Variants in ZNF773 observed in about 807,000 individuals in gnomAD.
The protein encoded by ZNF773 is zinc finger protein 773, also known as zinc finger protein 419B.
In ZNF773, 11 loss-of-function variants were observed where a neutral mutation model predicts 12.8. The ratio of observed to expected loss-of-function variants is 0.86; its 90% confidence interval spans 0.54 to 1.42. The LOEUF (loss-of-function observed/expected upper bound fraction) is 1.42, where lower values mean the gene tolerates loss of function less well. Among genes scored for constraint, ZNF773 ranks in the 40% most tolerant of loss-of-function variants. The pLI is 0.00. For missense variants in ZNF773, 518 were observed against 527.2 expected (o/e 0.98, Z 0.17); for synonymous variants, 175 against 178.4 (o/e 0.98, Z 0.15).
chr19:57,508,286 G>A (rs1220492340), downstream of ZNF773: 1 of 1,215,868 alleles, frequency 8.2e-7, no homozygotes, highest in African/African-American at 1.6e-5. Context: ...TGAGAAAATA[G>A]CCCTCTGTCT....
chr19:57,500,042 G>A lies in ZNF773; in HGVS notation c.-39G>A, dbSNP rs1047688759. The A allele has an allele frequency of 6.4e-7, 1 of 1,560,468 alleles. No individual in the cohort carries two copies. Among genetic ancestry groups the A allele is most frequent in the Admixed American group, 1.9e-5 (1 of 53,460 alleles). On this transcript the variant is annotated 5_prime_UTR_variant, in exon 1 of 4. Coordinates refer to ENST00000282292, the MANE Select transcript of ZNF773 (RefSeq NM_198542.3). ...GGTGGCGGCGCCCAGGGTGGCCCGGGCCCTTTCCTCGGTCGTTGTCTCACC... is the reference window on the plus strand; with the variant it reads ...GGTGGCGGCGCCCAGGGTGGCCCGGACCCTTTCCTCGGTCGTTGTCTCACC...
chr19:57,508,442 C>G (rs889994198), downstream of ZNF773: 30 of 662,452 alleles, frequency 4.5e-5, 1 homozygote, highest in East Asian at 7.1e-4. Context: ...GTTAGATCTT[C>G]TTTAATAAAT....
At position 57,507,653 on chromosome 19, in the gene ZNF773, CTG is replaced by C; in HGVS notation, c.*231_*232del. On this transcript the variant is annotated 3_prime_UTR_variant, in exon 4 of 4. Transcript: ENST00000282292. ...GTTTAGACTGGAGAAAGGCCTTAGACTGTCGCTGAATCAATATGACCTGACTT... is the reference window on the plus strand; with the variant it reads ...GTTTAGACTGGAGAAAGGCCTTAGACTCGCTGAATCAATATGACCTGACTT... 7.4e-7 allele frequency: 1 copy of C among 1,349,414 alleles called. No individual in the cohort carries two copies. The highest frequency in any genetic ancestry group is 1.5e-5 in the African/African-American group (1 of 68,338). The allele number at this position is 1,349,414 out of a possible 1,614,324, so 83.6% of individuals were successfully genotyped here.
chr19:57,501,808 C>G (rs1319410637), intron 1 of ZNF773, among the ~76,000 whole-genome samples: 3 of 152,168 alleles, frequency 2.0e-5, no homozygotes, highest in African/African-American at 7.2e-5. Context: ...TCACCCTCCT[C>G]AACTCCTACC....
chr19:57,511,972 G>A (rs2089799528), downstream of ZNF773, among the ~76,000 whole-genome samples: 1 of 152,174 alleles, frequency 6.6e-6, no homozygotes, highest in Admixed American at 6.5e-5. Context: ...TAGAGTAAAA[G>A]AATGCAGATC....
chr19:57,513,112 T>G, downstream of ZNF773: 1 of 1,464,102 alleles, frequency 6.8e-7, no homozygotes, highest in Middle Eastern at 1.9e-4. Context: ...ACCAGAAGAA[T>G]GAGAAACCCC....
Position 57,506,696 on chromosome 19 carries a change from G to A in ZNF773, c.601G>A (p.Gly201Ser), listed in dbSNP as rs749256896. ...ATGCAGTGAATGTGGGAAAGCCTTT[G>A]GTCAGAAATATTTACTTGTTCAGCA... ...YKCSECGKAF[G>S]QKYLLVQHQR... Residue 201 changes from glycine (G) to serine (S), a missense_variant, in exon 4 of 4, where the codon GGT becomes AGT. Coordinates refer to ENST00000282292, the MANE Select transcript of ZNF773 (RefSeq NM_198542.3). The A allele has an allele frequency of 2.5e-6, 4 of 1,614,052 alleles. No individual in the cohort carries two copies. The highest frequency in any genetic ancestry group is 3.4e-6 in the Non-Finnish European group (4 of 1,180,034).
chr19:57,515,670 A>G (rs893926110), downstream of ZNF773: 1 of 152,220 alleles, frequency 6.6e-6, no homozygotes, highest in South Asian at 2.1e-4. Context: ...AAAACTGACA[A>G]TGGACCTGCT....
downstream of ZNF773, among the ~76,000 whole-genome samples, chr19:57,509,854 A>G (rs2089781522): frequency 6.6e-6 from 1 of 152,242 alleles, no homozygotes; most frequent in Admixed American, 6.5e-5. Context: ...AAAACATGTA[A>G]GAACTTTTAT....
intron 1 of ZNF773, among the ~76,000 whole-genome samples, chr19:57,500,512 A>G (rs1600146476): frequency 2.3e-5 from 2 of 85,192 alleles, no homozygotes; most frequent in Admixed American, 1.1e-4. Context: ...GAGGCGGGTG[A>G]AGACAGACCT....
downstream of ZNF773, among the ~76,000 whole-genome samples, chr19:57,511,724 CACACACACACACATACACACAT>C (rs2089797147): frequency 6.9e-6 from 1 of 143,914 alleles, no homozygotes; most frequent in South Asian, 2.1e-4. Flanking sequence ...GTTTTTCACA[CACACACACACACATACACACAT>C]ACACACACTC....
intron 3 of ZNF773, among the ~76,000 whole-genome samples, chr19:57,506,128 T>A (rs1282659594): frequency 1.3e-5 from 2 of 152,090 alleles, no homozygotes; most frequent in African/African-American, 2.4e-5. Flanking sequence ...CTGCCTCTCC[T>A]CCTTGTGCTA....
intron 1 of ZNF773, among the ~76,000 whole-genome samples, chr19:57,502,012 G>A (rs1600147716): frequency 1.3e-5 from 2 of 152,132 alleles, no homozygotes; most frequent in East Asian, 1.9e-4. Context: ...GTACAATCTC[G>A]GCTCACCGCA....
At chr19:57,508,743 T>C (rs1298619109), downstream of ZNF773, among the ~76,000 whole-genome samples, 3 of 148,910 alleles carry the variant, frequency 2.0e-5, no homozygotes. Flanking sequence ...TGTGCAGTAG[T>C]ATTTCATTGT....
At chr19:57,508,407 A>G, downstream of ZNF773, 1 of 633,262 alleles carries the variant, frequency 1.6e-6, no homozygotes, top group Non-Finnish European at 2.8e-6. Flanking sequence ...TTCAGATGTT[A>G]CTCACTTTTG....
At chr19:57,508,320 C>T (rs2089769432), downstream of ZNF773, 1 of 758,046 alleles carries the variant, frequency 1.3e-6, no homozygotes, top group African/African-American at 1.9e-5. Context: ...AGAGGGAGCC[C>T]TGTATTGGCT....
downstream of ZNF773, chr19:57,512,929 G>A (rs1014339259): frequency 4.5e-5 from 62 of 1,370,254 alleles, no homozygotes; most frequent in Non-Finnish European, 5.5e-5. Flanking sequence ...AGAAGCTCAG[G>A]GCCCTTGTTC....
chr19:57,505,082 T>C lies in ZNF773; in HGVS notation c.164-220T>C, dbSNP rs2123258143. The C allele has an allele frequency of 1.7e-5, 12 of 709,276 alleles. No individual in the cohort carries two copies. The South Asian group carries it at 1.8e-4, about 11-fold the overall frequency. The allele number at this position is 709,276 out of a possible 1,614,324, so 43.9% of individuals were successfully genotyped here. On this transcript the variant is annotated intron_variant, in intron 2 of 3. Coordinates refer to ENST00000282292, the MANE Select transcript of ZNF773 (RefSeq NM_198542.3). The stretch of plus-strand genomic sequence containing the variant: ...GTGACACTGTGCAGATCTGTGGTAG[T>C]TCTATTCCCCTACATTCTGCCTGTC...
Position 57,506,618 on chromosome 19 carries a change from C to T in ZNF773, c.523C>T (p.His175Tyr), listed in dbSNP as rs1047714701. The T allele has an allele frequency of 3.7e-6, 6 of 1,614,068 alleles. No homozygotes were observed. The Admixed American group carries it at 8.3e-5, about 22-fold the overall frequency. ...HQVTHTGEKS[H>Y]RSSKSREAFH... The stretch of plus-strand genomic sequence containing the variant: ...GGTGACTCACACGGGAGAGAAGTCA[C>T]ATAGGAGCTCCAAAAGTAGGGAGGC... The change falls in exon 4 of 4, where the codon CAT becomes TAT. Residue 175 changes from histidine (H) to tyrosine (Y), a missense_variant. Transcript: ENST00000282292.
Sources: allele counts gnomAD v4.1 joint callset (sites outside exome capture counted in the v4.1 genomes callset), GRCh38; gene constraint gnomAD v4.1.1; transcripts MANE v1.5; gene names NCBI Gene and HGNC (gene_info 2026-07-23, HGNC 2026-07-21).